Variants in MROH2A observed in about 807,000 individuals in gnomAD.
The protein encoded by MROH2A is maestro heat like repeat family member 2A.
Under a neutral mutation model 200.4 loss-of-function variants are expected in MROH2A, and 174 were observed. That is an observed-to-expected ratio of 0.87 (90% CI 0.77 to 0.98). The LOEUF (loss-of-function observed/expected upper bound fraction) is 0.98, where lower values mean the gene tolerates loss of function less well. Among genes scored for constraint, MROH2A ranks in the 50% least tolerant of loss-of-function variants. The probability of loss-of-function intolerance (pLI) is 0.00; values close to 1 mark genes in which losing one functional copy is unlikely to be tolerated. For missense variants in MROH2A, 2,045 were observed against 2,139.6 expected, an observed-to-expected ratio of 0.96 and a Z score of 0.87; for synonymous variants, 829 against 840.4, an observed-to-expected ratio of 0.99 and a Z score of 0.23.
In MROH2A at chr2:233,813,918, T is replaced by C. The variant is rs11562981; in HGVS notation, c.2760+140T>C. ...GAGTGTAGCAAGCTCTATCAGTAAATGTAAGGTAATGCTAGCTGTTGAAAC... is the reference window on the plus strand; with the variant it reads ...GAGTGTAGCAAGCTCTATCAGTAAACGTAAGGTAATGCTAGCTGTTGAAAC... On this transcript the variant is annotated intron_variant, in intron 25 of 41. Coordinates refer to ENST00000389758, the MANE Select transcript of MROH2A (RefSeq NM_001394639.1). 7,868 of 523,650 alleles carry C rather than the reference T, an allele frequency of 0.015. 486 individuals carry two copies. The East Asian group carries it at 0.15, about 10-fold the overall frequency. 32.4% of individuals were successfully genotyped at this position (523,650 alleles called of 1,614,324 possible). A position where few individuals can be genotyped will look rare whatever the true frequency, so the allele number is the denominator to read the frequency against.
Position 233,799,838 on chromosome 2 carries a change from G to A in MROH2A, c.1388G>A (p.Arg463Lys), listed in dbSNP as rs1282638629. 1.3e-6 allele frequency: 2 copies of A among 1,550,438 alleles called. No homozygotes were observed. The highest frequency in any genetic ancestry group is 2.7e-5 in the African/African-American group (2 of 73,020). The change falls in exon 13 of 42, where the codon AGA becomes AAA. Residue 463 changes from arginine (R) to lysine (K), a missense_variant. Around this residue, in one of 3 missense-constraint regions of MROH2A, gnomAD observed 831 missense variants for 800.0 expected, o/e 1.04. Transcript: ENST00000389758. Reference sequence around the variant, plus strand: ...TTGGCTCTCTGTGGCTACCAGGAGAGAATCAAAGGCTGGGGCCTGAAGTAC... The same window carrying A: ...TTGGCTCTCTGTGGCTACCAGGAGAAAATCAAAGGCTGGGGCCTGAAGTAC... ...GQLALCGYQERIKGWGLKYLS... is the reference protein window; with the variant it reads ...GQLALCGYQEKIKGWGLKYLS...
chr2:233,795,934 TCTC>T (rs761219171), intron 9 of MROH2A, 30 bp from the exon 10 acceptor site: 178 of 1,547,256 alleles, frequency 1.2e-4, no homozygotes, highest in Middle Eastern at 1.7e-4. Flanking sequence ...GTCCCTGTGA[TCTC>T]CTCCAGCCTC....
intron 30 of MROH2A, 33 bp from the exon 31 acceptor site, chr2:233,819,869 G>A: frequency 6.8e-7 from 1 of 1,477,350 alleles, no homozygotes; most frequent in South Asian, 1.4e-5. Flanking sequence ...AGGGGCCTGG[G>A]CTGCCCCCCG....
Position 233,789,506 on chromosome 2 carries a change from C to A in MROH2A, c.286C>A (p.Gln96Lys). ...RCLQVPEIST[Q>K]RKVNIYNILQ... ...CATACTTGTTTCCCAGATTTCCACC[C>A]AGCGCAAGGTCAACATTTACAACAT... Residue 96 changes from glutamine to lysine, a missense_variant, in exon 4 of 42, where the codon CAG becomes AAG. This residue lies in a region of MROH2A where 831 missense variants were observed against 800.0 expected (regional missense o/e 1.04). Transcript: ENST00000389758. 7.0e-7 allele frequency: 1 copy of A among 1,424,046 alleles called. No individual in the cohort carries two copies. Among genetic ancestry groups the A allele is most frequent in the Non-Finnish European group, 9.2e-7 (1 of 1,084,438 alleles). The allele number at this position is 1,424,046 out of a possible 1,614,324, so 88.2% of individuals were successfully genotyped here.
chr2:233,799,415 G>T lies in MROH2A; in HGVS notation c.1330-365G>T, dbSNP rs113692107. Among the ~76,000 whole-genome samples, 1,310 of 152,254 alleles carry T rather than the reference G, an allele frequency of 8.6e-3. 19 individuals carry two copies. Among genetic ancestry groups the T allele is most frequent in the African/African-American group, 0.029 (1,222 of 41,516 alleles). Reference sequence around the variant, plus strand: ...GTCCCTGGAGGCTGTGGAGGGAAGCGAGAAGAGGCTCGTTCTGCATCTCCT... The same window carrying T: ...GTCCCTGGAGGCTGTGGAGGGAAGCTAGAAGAGGCTCGTTCTGCATCTCCT... On this transcript the variant is annotated intron_variant, in intron 12 of 41. Coordinates refer to ENST00000389758, the MANE Select transcript of MROH2A (RefSeq NM_001394639.1).
At chr2:233,779,534 C>A in intron 2 of MROH2A, 82 bp downstream of exon 2, 1 of 1,398,694 alleles carries the variant, frequency 7.1e-7, no homozygotes, top group Non-Finnish European at 9.9e-7. Flanking sequence ...CTAGGTCTCC[C>A]TTTCTCCATC....
At chr2:233,832,309 A>T in intron 40 of MROH2A, 30 bp downstream of exon 40, 5 of 1,541,814 alleles carry the variant, frequency 3.2e-6, no homozygotes, top group Non-Finnish European at 4.4e-6. Context: ...CTGACTCAAG[A>T]TAGACTTTGA....
chr2:233,791,030 A>T (rs995785270), intron 5 of MROH2A, among the ~76,000 whole-genome samples: 1 of 152,164 alleles, frequency 6.6e-6, no homozygotes, highest in African/African-American at 2.4e-5. Context: ...AGCATTCCAC[A>T]CGGAGAGAAC....
At position 233,832,670 on chromosome 2, in the gene MROH2A, T is replaced by G. The variant is rs372775145; in HGVS notation, c.4903+26T>G. 6.6e-6 allele frequency: 10 copies of G among 1,504,322 alleles called. No individual in the cohort carries two copies. In the African/African-American group the frequency reaches 9.7e-5, roughly 15 times the overall value. The allele number at this position is 1,504,322 out of a possible 1,614,324, so 93.2% of individuals were successfully genotyped here. A position where few individuals can be genotyped will look rare whatever the true frequency, so the allele number is the denominator to read the frequency against. The stretch of plus-strand genomic sequence containing the variant: ...GTGAGTAGTGGAGAGTGTTAGATGT[T>G]GAGTCCACGACTCACCAACTCACTA... On this transcript the variant is annotated intron_variant, in intron 41 of 41. Transcript: ENST00000389758.
chr2:233,826,876 G>GA (rs1185607269), intron 35 of MROH2A, among the ~76,000 whole-genome samples: 1 of 151,912 alleles, frequency 6.6e-6, no homozygotes, highest in Non-Finnish European at 1.5e-5. Flanking sequence ...AAATTTACAA[G>GA]AAAAAAACAA....
At chr2:233,821,972 A>G (rs776740180) in intron 31 of MROH2A, among the ~76,000 whole-genome samples, 152 bp from the exon 32 acceptor site, 29 of 152,120 alleles carry the variant, frequency 1.9e-4, no homozygotes, top group Non-Finnish European at 3.5e-4. Flanking sequence ...GGTTCTAAGC[A>G]CGCAAATTTT....
At chr2:233,822,713 C>T (rs185366282) in intron 33 of MROH2A, 157 bp downstream of exon 33, 1,000 of 1,130,222 alleles carry the variant, frequency 8.8e-4, no homozygotes, top group Non-Finnish European at 1.1e-3. Context: ...GTGTCAAGCA[C>T]GGTGTGGTTT....
At chr2:233,804,918 C>G in intron 18 of MROH2A, 86 bp from the exon 19 acceptor site, 1 of 710,840 alleles carries the variant, frequency 1.4e-6, no homozygotes. Context: ...AGTCAGTACT[C>G]AAGGTCCCGT....
upstream of MROH2A, among the ~76,000 whole-genome samples, chr2:233,776,658 AG>A (rs1700715729): frequency 6.6e-6 from 1 of 152,156 alleles, no homozygotes; most frequent in African/African-American, 2.4e-5. Context: ...TAACATGCTC[AG>A]GGGCCTCTTA....
At chr2:233,815,110 C>T (rs544789341) in intron 26 of MROH2A, among the ~76,000 whole-genome samples, 468 of 152,326 alleles carry the variant, frequency 3.1e-3, no homozygotes, top group African/African-American at 0.01. Flanking sequence ...GTTTTCTCCT[C>T]GATCCAGGAT....
intron 3 of MROH2A, among the ~76,000 whole-genome samples, chr2:233,789,100 C>G (rs1479409820): frequency 6.6e-6 from 1 of 152,046 alleles, no homozygotes; most frequent in Non-Finnish European, 1.5e-5. Context: ...CGCTATCATG[C>G]AGGAATTGGA....
In MROH2A at chr2:233,807,767, G is replaced by A. The variant is rs1702899109; in HGVS notation, c.2207G>A (p.Gly736Asp). Reference sequence around the variant, plus strand: ...ATGTGCTTTGGCCTGTGTGCCCGGGGCCAGGTAAAAACGGTGCTGAATGTG... The same window carrying A: ...ATGTGCTTTGGCCTGTGTGCCCGGGACCAGGTAAAAACGGTGCTGAATGTG... ...VIMCFGLCAR[G>D]QVKTVLNVLH... The change falls in exon 21 of 42, where the codon GGC becomes GAC. Residue 736 changes from glycine to aspartate, a missense_variant. Gly to Asp is a moderately conservative substitution (Grantham distance 94). This residue lies in a region of MROH2A where 1,201 missense variants were observed against 1,311.3 expected (regional missense o/e 0.92). Transcript: ENST00000389758. The surrounding 1 kb of genome is among the most constrained non-coding windows in gnomAD (Gnocchi z 4.3). The A allele has an allele frequency of 3.9e-6, 6 of 1,550,756 alleles. No individual in the cohort carries two copies. The highest frequency in any genetic ancestry group is 5.2e-6 in the Non-Finnish European group (6 of 1,147,028).
intron 37 of MROH2A, among the ~76,000 whole-genome samples, chr2:233,829,366 G>A (rs911406478): frequency 1.3e-5 from 2 of 152,066 alleles, no homozygotes; most frequent in Admixed American, 6.6e-5. Context: ...GTCACCCTGG[G>A]CCTCTGCTAG....
intron 14 of MROH2A, among the ~76,000 whole-genome samples, chr2:233,800,651 G>GTA (rs1375050344): frequency 6.6e-6 from 1 of 151,972 alleles, no homozygotes; most frequent in Non-Finnish European, 1.5e-5. Context: ...GTGTGTGTGT[G>GTA]TGTGTGTCTG....
Sources: allele counts gnomAD v4.1 joint callset (sites outside exome capture counted in the v4.1 genomes callset), GRCh38; gene constraint gnomAD v4.1.1; regional missense constraint gnomAD v4.1.1; non-coding constraint Gnocchi (gnomAD v3.1); transcripts MANE v1.5; gene names NCBI Gene and HGNC (gene_info 2026-07-23, HGNC 2026-07-21).